RABGAP1L: variants seen among roughly 807,000 people sequenced by gnomAD.
RABGAP1L encodes the protein RAB GTPase activating protein 1 like.
In RABGAP1L, 63 loss-of-function variants were observed where a neutral mutation model predicts 137.7. That is an observed-to-expected ratio of 0.46 (90% CI 0.37 to 0.56). RABGAP1L has a LOEUF of 0.56. RABGAP1L is among the 20% of genes least tolerant of loss of function. RABGAP1L has a pLI of 0.00. For missense variants in RABGAP1L, 1,095 were observed against 1,244.0 expected, an observed-to-expected ratio of 0.88 and a Z score of 1.80; for synonymous variants, 431 against 433.7, an observed-to-expected ratio of 0.99 and a Z score of 0.08.
intron 21 of RABGAP1L, among the ~76,000 whole-genome samples, chr1:174,973,045 TGTTAGAGGGATACTCAA>T (rs1324409499): frequency 6.6e-6 from 1 of 152,142 alleles, no homozygotes; most frequent in East Asian, 1.9e-4. Flanking sequence ...AAAAGACCAC[TGTTAGAGGGATACTCAA>T]GTTATTTCAG....
intron 13 of RABGAP1L, among the ~76,000 whole-genome samples, chr1:174,615,883 A>G (rs1311041816): frequency 6.6e-6 from 1 of 152,236 alleles, no homozygotes; most frequent in African/African-American, 2.4e-5. Flanking sequence ...CCTCCGAGCC[A>G]GGTGCAGGAT....
chr1:174,946,487 T>G (rs1165187045), intron 19 of RABGAP1L, among the ~76,000 whole-genome samples: 1 of 152,094 alleles, frequency 6.6e-6, no homozygotes, highest in Non-Finnish European at 1.5e-5. Flanking sequence ...AACAAAAGCC[T>G]ATAGGGTCTG....
chr1:174,445,451 C>T (rs1274655742), intron 13 of RABGAP1L, among the ~76,000 whole-genome samples: 1 of 151,864 alleles, frequency 6.6e-6, no homozygotes, highest in African/African-American at 2.4e-5. Flanking sequence ...AATTTCTATG[C>T]TCTTTTGAGA....
intron 13 of RABGAP1L, among the ~76,000 whole-genome samples, chr1:174,578,383 A>G (rs985324916): frequency 4.6e-5 from 7 of 152,066 alleles, no homozygotes; most frequent in African/African-American, 1.7e-4. Flanking sequence ...AGGAGATCTC[A>G]CTATTTTGCC....
chr1:174,346,289 T>G (rs1478735383), intron 11 of RABGAP1L, among the ~76,000 whole-genome samples: 1 of 152,188 alleles, frequency 6.6e-6, no homozygotes, highest in Non-Finnish European at 1.5e-5. Flanking sequence ...TTCTCCTCCT[T>G]TTTTTGAAAT....
intron 11 of RABGAP1L, among the ~76,000 whole-genome samples, chr1:174,309,715 G>T (rs1372584285): frequency 6.6e-6 from 1 of 152,078 alleles, no homozygotes; most frequent in African/African-American, 2.4e-5. Context: ...ACTTGATCAT[G>T]ATGAATAATC....
intron 19 of RABGAP1L, among the ~76,000 whole-genome samples, chr1:174,844,000 G>C (rs1188248654): frequency 1.4e-5 from 2 of 144,462 alleles, no homozygotes; most frequent in Non-Finnish European, 3.1e-5. Flanking sequence ...ATTTTTTCAT[G>C]TGTTTTTTGG....
intron 13 of RABGAP1L, among the ~76,000 whole-genome samples, chr1:174,420,263 A>G (rs1198754833): frequency 1.3e-5 from 2 of 151,770 alleles, no homozygotes; most frequent in East Asian, 1.9e-4. Flanking sequence ...GTATTGTGAC[A>G]AACAGCTCTC....
rs939223159 is a variant in RABGAP1L, at chr1:174,444,839, C to G, written c.1710+50694C>G. Among the ~76,000 whole-genome samples, 7 of 151,792 alleles carry G rather than the reference C, an allele frequency of 4.6e-5. No homozygotes were observed. The East Asian group carries it at 5.8e-4, about 13-fold the overall frequency. ...GAGTCTTCTTTCTTTTTTGCTTAGT[C>G]TAGCTAAGGGTTTGTTGATTTTGTT... On this transcript the variant is annotated intron_variant, in intron 13 of 25. Coordinates refer to ENST00000681986, the MANE Select transcript of RABGAP1L (RefSeq NM_001366446.1).
At chr1:174,781,299 T>C (rs1398350226) in intron 18 of RABGAP1L, among the ~76,000 whole-genome samples, 1 of 152,204 alleles carries the variant, frequency 6.6e-6, no homozygotes, top group Non-Finnish European at 1.5e-5. Context: ...GTGGTTTTGA[T>C]TTGTATTTCT....
intron 13 of RABGAP1L, among the ~76,000 whole-genome samples, chr1:174,502,580 A>ATATATATATC (rs1243230441): frequency 6.8e-6 from 1 of 147,086 alleles, no homozygotes; most frequent in Admixed American, 6.8e-5. Flanking sequence ...TACACGGTAT[A>ATATATATATC]TATATATATA....
At chr1:174,692,581 T>G (rs561102190) in intron 15 of RABGAP1L, among the ~76,000 whole-genome samples, 2 of 152,290 alleles carry the variant, frequency 1.3e-5, no homozygotes, top group Admixed American at 1.3e-4. Context: ...TGCTGTCACT[T>G]ATATGAAAAG....
At chr1:174,466,323 C>G (rs933701060) in intron 13 of RABGAP1L, among the ~76,000 whole-genome samples, 1 of 152,134 alleles carries the variant, frequency 6.6e-6, no homozygotes, top group African/African-American at 2.4e-5. Flanking sequence ...AGAAGAGTAC[C>G]TAGGCAAAAC....
At chr1:174,717,225 C>T (rs773843994) in intron 17 of RABGAP1L, among the ~76,000 whole-genome samples, 2 of 152,020 alleles carry the variant, frequency 1.3e-5, no homozygotes, top group East Asian at 1.9e-4. Context: ...GCCTGATCAA[C>T]GTGGCGAGAC....
intron 11 of RABGAP1L, among the ~76,000 whole-genome samples, chr1:174,336,723 A>C (rs1681503837): frequency 6.6e-6 from 1 of 152,152 alleles, no homozygotes; most frequent in African/African-American, 2.4e-5. Context: ...AGCTCATTTA[A>C]TCCTCTTATC....
intron 5 of RABGAP1L, 63 bp downstream of exon 5, chr1:174,241,720 T>A: frequency 7.9e-7 from 1 of 1,263,798 alleles, no homozygotes; most frequent in Non-Finnish European, 1.1e-6. Context: ...TTTTGAGCTC[T>A]AATTTCACTG....
At chr1:174,183,446 T>A (rs1666543510) in intron 1 of RABGAP1L, among the ~76,000 whole-genome samples, 1 of 152,136 alleles carries the variant, frequency 6.6e-6, no homozygotes, top group Non-Finnish European at 1.5e-5. Flanking sequence ...CCTAAAGATA[T>A]ACTTTATTTT....
intron 22 of RABGAP1L, among the ~76,000 whole-genome samples, chr1:174,976,703 A>C (rs925923968): frequency 3.3e-5 from 5 of 152,274 alleles, no homozygotes; most frequent in Middle Eastern, 6.8e-3. Flanking sequence ...TTCCTGGGGG[A>C]ATATAAAGAA....
chr1:174,663,788 G>C (rs901406403), intron 14 of RABGAP1L, among the ~76,000 whole-genome samples: 4 of 152,166 alleles, frequency 2.6e-5, no homozygotes, highest in African/African-American at 9.7e-5. Context: ...AGTTCAGGTG[G>C]AACAAGTTGA....
Sources: gnomAD v4.1 joint callset for allele counts (sites outside exome capture counted in the v4.1 genomes callset) on GRCh38, gnomAD v4.1.1 for gene constraint, MANE v1.5 for transcripts, NCBI Gene and HGNC (gene_info 2026-07-23, HGNC 2026-07-21) for gene names.